The following CDK5RAP1 variants were observed in gnomAD, a reference collection of about 807,000 sequenced individuals.
The protein encoded by CDK5RAP1 is CDK5RAP1 mitochondrial tRNA methylthiotransferase.
CDK5RAP1 carries 62 observed loss-of-function variants against 64.5 expected under a neutral mutation model. The ratio of observed to expected loss-of-function variants is 0.96; its 90% CI spans 0.78 to 1.19. CDK5RAP1 has a LOEUF of 1.19. Among genes scored for constraint, CDK5RAP1 ranks in the 50% most tolerant of loss-of-function variants. CDK5RAP1 has a pLI of 0.00. For missense variants in CDK5RAP1, 657 were observed against 735.0 expected (o/e 0.89, Z 1.23); for synonymous variants, 250 against 261.9 (o/e 0.95, Z 0.44).
intron 13 of CDK5RAP1, chr20:33,359,469 G>T (rs541631506): frequency 4.3e-4 from 94 of 217,798 alleles, no homozygotes; most frequent in Non-Finnish European, 8.1e-4. Context: ...CCTTCCTTAG[G>T]ATATTTACAG....
In CDK5RAP1 at chr20:33,360,476, C is replaced by T. The variant is rs1269969407; in HGVS notation, c.1558G>A (p.Ala520Thr). The T allele has an allele frequency of 1.2e-6, 2 of 1,611,480 alleles. No homozygotes were observed. Among genetic ancestry groups the T allele is most frequent in the East Asian group, 2.2e-5 (1 of 44,874 alleles). The stretch of plus-strand genomic sequence containing the variant: ...TCATTCCTGCCACACAGGTCAGTGG[C>T]AGAGCGTTTACTGAGCTGCAGAAAG... ...VLVEGLSKRSATDLCGRNDGN... is the reference protein window; with the variant it reads ...VLVEGLSKRSTTDLCGRNDGN... Residue 520 changes from alanine (A) to threonine (T), a missense_variant, in exon 13 of 14, where the codon GCC becomes ACC. Ala to Thr is a moderately conservative substitution (Grantham distance 58). Transcript: ENST00000346416.
At chr20:33,394,896 C>A (rs1988748320) in intron 3 of CDK5RAP1, 117 bp downstream of exon 3, 2 of 702,486 alleles carry the variant, frequency 2.8e-6, no homozygotes, top group Non-Finnish European at 5.2e-6. Flanking sequence ...ACACTTCACC[C>A]AAGGGAACTC....
chr20:33,391,405 A>C (rs1988305652), intron 5 of CDK5RAP1, among the ~76,000 whole-genome samples: 1 of 152,182 alleles, frequency 6.6e-6, no homozygotes, highest in Non-Finnish European at 1.5e-5. Flanking sequence ...TTTAAATTTT[A>C]TTTAATTATA....
chr20:33,397,929 T>C (rs866469238), intron 1 of CDK5RAP1, among the ~76,000 whole-genome samples: 1 of 152,038 alleles, frequency 6.6e-6, no homozygotes, highest in South Asian at 2.1e-4. Flanking sequence ...GAAGCAGAAG[T>C]TGCTATGAAC....
chr20:33,378,583 T>G (rs1744139821), intron 8 of CDK5RAP1, among the ~76,000 whole-genome samples: 1 of 152,200 alleles, frequency 6.6e-6, no homozygotes, highest in Non-Finnish European at 1.5e-5. Context: ...CCATAATATC[T>G]GCAGAGTGCA....
chr20:33,361,710 C>T (rs1387031992), intron 12 of CDK5RAP1, among the ~76,000 whole-genome samples: 2 of 151,850 alleles, frequency 1.3e-5, no homozygotes, highest in African/African-American at 4.8e-5. Context: ...AATTCCAGCA[C>T]TTTGGGAGGC....
intron 7 of CDK5RAP1, among the ~76,000 whole-genome samples, chr20:33,384,736 T>C (rs150373): frequency 1.3e-5 from 2 of 152,016 alleles, no homozygotes; most frequent in African/African-American, 4.8e-5. Flanking sequence ...ACCTCATCTC[T>C]ACAAATAATT....
intron 8 of CDK5RAP1, among the ~76,000 whole-genome samples, chr20:33,377,748 T>G (rs1357041906): frequency 6.6e-6 from 1 of 151,940 alleles, no homozygotes; most frequent in Non-Finnish European, 1.5e-5. Context: ...GCCTCCCGGG[T>G]TCAAGCAATT....
At chr20:33,384,076 T>C (rs1002164554) in intron 7 of CDK5RAP1, among the ~76,000 whole-genome samples, 1 of 152,098 alleles carries the variant, frequency 6.6e-6, no homozygotes, top group African/African-American at 2.4e-5. Flanking sequence ...AGACTTCCAA[T>C]AGATAACCAT....
At chr20:33,397,401 T>C (rs1989004501) in intron 1 of CDK5RAP1, among the ~76,000 whole-genome samples, 1 of 152,180 alleles carries the variant, frequency 6.6e-6, no homozygotes, top group Non-Finnish European at 1.5e-5. Flanking sequence ...GCTTTAAGTG[T>C]ATTAACTCAT....
At chr20:33,383,839 G>T (rs1406985253) in intron 7 of CDK5RAP1, among the ~76,000 whole-genome samples, 1 of 151,358 alleles carries the variant, frequency 6.6e-6, no homozygotes, top group African/African-American at 2.4e-5. Context: ...TTGAATCTGG[G>T]AGGTGGAGGC....
Position 33,385,723 on chromosome 20 carries a change from G to A in CDK5RAP1, c.803C>T (p.Pro268Leu). The A allele has an allele frequency of 1.9e-6, 3 of 1,614,040 alleles. No individual in the cohort carries two copies. The highest frequency in any genetic ancestry group is 2.5e-6 in the Non-Finnish European group (3 of 1,179,918). Residue 268 changes from proline to leucine, a missense_variant, in exon 7 of 14, where the codon CCT (proline) becomes CTT (leucine). Transcript: ENST00000346416. ...CDNMCSYCIV[P>L]FTRGRERSRP... ...ACTCCTCTCCCTGCCCCGGGTGAAA[G>A]GAACAATGCAGTAGCTACACATGTT...
At chr20:33,388,673 C>G (rs568496785) in intron 5 of CDK5RAP1, among the ~76,000 whole-genome samples, 152 of 151,950 alleles carry the variant, frequency 1.0e-3, no homozygotes, top group African/African-American at 3.6e-3. Flanking sequence ...CTCTGATGCC[C>G]AGCCAAAGCT....
In CDK5RAP1 at chr20:33,401,517, C is replaced by T. The variant is rs1600828738; in HGVS notation, c.-110G>A. ...TCACAGGTCCGCCGCTGCGTTCATA[C>T]ACAAGCGACTTCCGTTCCGCCGCTA... On this transcript the variant is annotated 5_prime_UTR_variant, in exon 1 of 14. Transcript: ENST00000346416. The T allele has an allele frequency of 1.0e-6, 1 of 985,330 alleles. No individual in the cohort carries two copies. Among genetic ancestry groups the T allele is most frequent in the Non-Finnish European group, 1.2e-6 (1 of 829,950 alleles). The allele number at this position is 985,330 out of a possible 1,614,324, so 61.0% of individuals were successfully genotyped here.
chr20:33,390,532 C>CAG (rs757260449), intron 5 of CDK5RAP1, among the ~76,000 whole-genome samples: 3 of 152,198 alleles, frequency 2.0e-5, no homozygotes, highest in Non-Finnish European at 1.5e-5. Flanking sequence ...AAAAGTCCTG[C>CAG]AGATGGATGG....
chr20:33,392,027 G>T (rs1988377197), intron 5 of CDK5RAP1, 115 bp downstream of exon 5: 3 of 687,624 alleles, frequency 4.4e-6, no homozygotes. Context: ...AATTGCATGG[G>T]ATATATAAGA....
intron 12 of CDK5RAP1, among the ~76,000 whole-genome samples, chr20:33,364,700 G>A (rs990921324): frequency 2.6e-5 from 4 of 151,432 alleles, no homozygotes; most frequent in Non-Finnish European, 4.4e-5. Context: ...TCAGCCTCCC[G>A]AGTAACTGGG....
chr20:33,392,250 G>T lies in CDK5RAP1; in HGVS notation c.444-8C>A. On this transcript the variant is annotated splice_region_variant and splice_polypyrimidine_tract_variant and intron_variant, in intron 4 of 13. Transcript: ENST00000346416. The stretch of plus-strand genomic sequence containing the variant: ...GTCTGCTCAGCCTTCTCCCTAGAGA[G>T]ATCAAAGGAGGCAAGACTGAACCAA... 3.2e-6 allele frequency: 5 copies of T among 1,579,270 alleles called. No homozygotes were observed. Among genetic ancestry groups the T allele is most frequent in the Non-Finnish European group, 4.3e-6 (5 of 1,152,680 alleles).
In CDK5RAP1 at chr20:33,400,702, C is replaced by T. The variant is rs192157461; in HGVS notation, c.-21+726G>A. Among the ~76,000 whole-genome samples, 6 of 152,252 alleles carry T rather than the reference C, an allele frequency of 3.9e-5. No homozygotes were observed. The East Asian group carries it at 9.6e-4, about 24-fold the overall frequency. On this transcript the variant is annotated intron_variant, in intron 1 of 13. Coordinates refer to ENST00000346416, the MANE Select transcript of CDK5RAP1 (RefSeq NM_016408.4). ...TGGTGGTATGCGCCTGTAATCCTAG[C>T]TACCCAGGAGGCTGAGGCAGGAGAA...
Sources: allele counts gnomAD v4.1 joint callset (sites outside exome capture counted in the v4.1 genomes callset), GRCh38; gene constraint gnomAD v4.1.1; transcripts MANE v1.5; gene names NCBI Gene and HGNC (gene_info 2026-07-23, HGNC 2026-07-21).